Variants in EXOC4 observed in about 807,000 individuals in gnomAD.
The protein encoded by EXOC4 is SEC8-like 1.
In EXOC4, 71 loss-of-function variants were observed where a neutral mutation model predicts 107.2. That is an observed-to-expected ratio of 0.66 (90% CI 0.55 to 0.81). The LOEUF is 0.81. Among genes scored for constraint, EXOC4 ranks in the 30% least tolerant of loss-of-function variants. EXOC4 has a pLI of 0.00. For synonymous variants in EXOC4, 456 were observed against 441.2 expected, an observed-to-expected ratio of 1.03 and a Z score of -0.42; for missense variants, 1,108 against 1,189.6, an observed-to-expected ratio of 0.93 and a Z score of 1.01.
At chr7:134,084,709 TAAAAAAA>T in the EXOC4 span, among the ~76,000 whole-genome samples, 11 of 83,184 alleles carry the variant, frequency 1.3e-4, no homozygotes, top group Non-Finnish European at 2.4e-4. Context: ...GGTGCAGCCG[TAAAAAAA>T]AAAAAAAAAA....
chr7:133,383,856 T>C (rs1796670212), intron 7 of EXOC4, among the ~76,000 whole-genome samples: 1 of 152,204 alleles, frequency 6.6e-6, no homozygotes, highest in Non-Finnish European at 1.5e-5. Context: ...CGTGGCATCG[T>C]GAAGTCATGT....
At chr7:133,908,110 C>T (rs1290859209) in intron 12 of EXOC4, among the ~76,000 whole-genome samples, 1 of 152,170 alleles carries the variant, frequency 6.6e-6, no homozygotes, top group Non-Finnish European at 1.5e-5. Flanking sequence ...AGCAGCCAGT[C>T]CTCATTTCTC....
At chr7:133,636,514 A>G (rs1447172129) in intron 10 of EXOC4, among the ~76,000 whole-genome samples, 3 of 152,218 alleles carry the variant, frequency 2.0e-5, no homozygotes, top group Non-Finnish European at 4.4e-5. Context: ...CTTTAGGGTA[A>G]TGAACACTTG....
At chr7:133,741,977 A>C (rs1184993416) in intron 10 of EXOC4, among the ~76,000 whole-genome samples, 1 of 152,140 alleles carries the variant, frequency 6.6e-6, no homozygotes, top group Non-Finnish European at 1.5e-5. Context: ...TTGCCCTTTT[A>C]TGAAATGAAT....
chr7:133,561,032 C>T (rs1800794440), intron 9 of EXOC4, among the ~76,000 whole-genome samples: 1 of 151,916 alleles, frequency 6.6e-6, no homozygotes, highest in Non-Finnish European at 1.5e-5. Flanking sequence ...CTGGTAGTCA[C>T]AAGATGACTG....
intron 5 of EXOC4, among the ~76,000 whole-genome samples, chr7:133,319,029 T>C (rs1205248956): frequency 6.6e-6 from 1 of 152,236 alleles, no homozygotes; most frequent in African/African-American, 2.4e-5. Context: ...CTTTGATATG[T>C]ATTTTATCTC....
intron 2 of EXOC4, among the ~76,000 whole-genome samples, chr7:133,287,319 A>T (rs13230522): frequency 2.0e-5 from 3 of 150,216 alleles, no homozygotes; most frequent in Non-Finnish European, 4.4e-5. Flanking sequence ...ATATATGTAT[A>T]TTTTTTTTTG....
In EXOC4 at chr7:133,323,889, G is replaced by T. The variant is rs1563018365; in HGVS notation, c.763+6499G>T. 1.3e-5 allele frequency among the ~76,000 whole-genome samples: 2 copies of T among 152,032 alleles called. 1 individual carries two copies. Among genetic ancestry groups the T allele is most frequent in the South Asian group, 4.1e-4 (2 of 4,820 alleles). ...TATTAATTATTGCCTCAATTTCAGA[G>T]CCTGTTATTGGTCTATTCAGAGATT... is the stretch of plus-strand genomic sequence containing the variant. On this transcript the variant is annotated intron_variant, in intron 5 of 17. Coordinates refer to ENST00000253861, the MANE Select transcript of EXOC4 (RefSeq NM_021807.4).
At chr7:133,759,007 A>G (rs1308240108) in intron 10 of EXOC4, among the ~76,000 whole-genome samples, 1 of 152,190 alleles carries the variant, frequency 6.6e-6, no homozygotes, top group East Asian at 1.9e-4. Context: ...AGGGACCACT[A>G]TCATGTGGAC....
chr7:134,013,100 A>G (rs966984607), intron 17 of EXOC4, among the ~76,000 whole-genome samples: 1 of 152,214 alleles, frequency 6.6e-6, no homozygotes. Context: ...CCTCAAGTCT[A>G]CGGTAGGGTT....
chr7:133,530,032 G>T (rs1036172926), intron 9 of EXOC4, among the ~76,000 whole-genome samples: 1 of 152,088 alleles, frequency 6.6e-6, no homozygotes, highest in Non-Finnish European at 1.5e-5. Flanking sequence ...TGGAAAATGA[G>T]GTCCAATGCA....
At chr7:133,685,747 A>G (rs916724534) in intron 10 of EXOC4, among the ~76,000 whole-genome samples, 2 of 152,198 alleles carry the variant, frequency 1.3e-5, no homozygotes, top group African/African-American at 4.8e-5. Flanking sequence ...AAAAATTTCT[A>G]TAAATTTAAG....
intron 10 of EXOC4, among the ~76,000 whole-genome samples, chr7:133,787,972 T>C (rs1796620396): frequency 2.6e-5 from 1 of 38,568 alleles, no homozygotes; most frequent in South Asian, 9.7e-4. Flanking sequence ...TTTATATATA[T>C]ATATATATAT....
chr7:133,764,559 G>T (rs1189874594), intron 10 of EXOC4, among the ~76,000 whole-genome samples: 1 of 152,026 alleles, frequency 6.6e-6, no homozygotes, highest in African/African-American at 2.4e-5. Flanking sequence ...GAGGCGTTCA[G>T]TTCAAAAACT....
chr7:133,582,260 C>T (rs1197158338), intron 9 of EXOC4, among the ~76,000 whole-genome samples: 1 of 152,164 alleles, frequency 6.6e-6, no homozygotes, highest in African/African-American at 2.4e-5. Flanking sequence ...GTTAGTTCCA[C>T]CTAGGGTAAT....
At position 133,480,111 on chromosome 7, in the gene EXOC4, C is replaced by T. The variant is rs1407276527; in HGVS notation, c.1390C>T (p.Leu464Phe). 1.9e-6 allele frequency: 3 copies of T among 1,614,030 alleles called. No individual in the cohort carries two copies. The highest frequency in any genetic ancestry group is 1.7e-6 in the Non-Finnish European group (2 of 1,179,928). Residue 464 changes from leucine to phenylalanine, a missense_variant, in exon 9 of 18, where the codon CTC becomes TTC. Transcript: ENST00000253861. Reference protein sequence around the residue: ...SAYLREQRRELYSRSGELQGG... With the variant: ...SAYLREQRREFYSRSGELQGG... ...CTATCTGCGAGAACAGAGAAGGGAGCTCTATAGTCGGAGTGGAGAACTGCA... is the reference window on the plus strand; with the variant it reads ...CTATCTGCGAGAACAGAGAAGGGAGTTCTATAGTCGGAGTGGAGAACTGCA...
At chr7:133,935,185 C>T (rs1053092930) in intron 13 of EXOC4, among the ~76,000 whole-genome samples, 1 of 151,768 alleles carries the variant, frequency 6.6e-6, no homozygotes, top group Non-Finnish European at 1.5e-5. Context: ...CAAGGTCACC[C>T]GATGTTTGAG....
chr7:134,089,626 A>C, the EXOC4 span, among the ~76,000 whole-genome samples: 1 of 152,136 alleles, frequency 6.6e-6, no homozygotes, highest in East Asian at 1.9e-4. Flanking sequence ...ATCACCTTTA[A>C]ATTATACATT....
chr7:133,987,397 AAGAG>A (rs1186445782), intron 14 of EXOC4, among the ~76,000 whole-genome samples: 8 of 151,854 alleles, frequency 5.3e-5, no homozygotes, highest in East Asian at 1.9e-4. Context: ...AAGAAAGAAA[AAGAG>A]AGAGAAAGAA....
Sources: gnomAD v4.1 joint callset for allele counts (sites outside exome capture counted in the v4.1 genomes callset) on GRCh38, gnomAD v4.1.1 for gene constraint, MANE v1.5 for transcripts, NCBI Gene and HGNC (gene_info 2026-07-23, HGNC 2026-07-21) for gene names.